The following PRKG1 variants were observed in gnomAD, a reference collection of about 807,000 sequenced individuals.
PRKG1 encodes cGMP-dependent protein kinase 1.
PRKG1 carries 35 observed loss-of-function variants against 88.1 expected under a neutral mutation model. The ratio of observed to expected loss-of-function variants is 0.40; its 90% CI spans 0.30 to 0.53. The LOEUF is 0.53. Ranked by LOEUF, PRKG1 falls within the 20% of genes least tolerant of loss-of-function variation. The pLI is 0.59. For synonymous variants in PRKG1, 303 were observed against 292.5 expected (o/e 1.04, Z -0.37); for missense variants, 540 against 839.8 (o/e 0.64, Z 4.41).
intron 1 of PRKG1, among the ~76,000 whole-genome samples, chr10:51,049,085 G>T (rs1175678864): frequency 6.6e-6 from 1 of 152,108 alleles, no homozygotes. Context: ...ACAGGGCCGG[G>T]AAAGGAAGAG....
At position 52,232,345 on chromosome 10, in the gene PRKG1, G is replaced by A. The variant is rs1110341; in HGVS notation, c.1077-19225G>A. ...AAACAAAAAACAAAAAAAAAAGAATGTTGTTTCTAAAACAATTCTCAATAT... is the reference window on the plus strand; with the variant it reads ...AAACAAAAAACAAAAAAAAAAGAATATTGTTTCTAAAACAATTCTCAATAT... On this transcript the variant is annotated intron_variant, in intron 9 of 17. Coordinates refer to ENST00000373980, the MANE Select transcript of PRKG1 (RefSeq NM_006258.4). Among the ~76,000 whole-genome samples the A allele has an allele frequency of 0.035, 5,328 of 151,970 alleles. 502 individuals carry two copies. The East Asian group carries it at 0.36, about 10-fold the overall frequency.
intron 2 of PRKG1, among the ~76,000 whole-genome samples, chr10:51,349,462 G>GTT (rs1842189056): frequency 2.3e-5 from 2 of 85,712 alleles, no homozygotes; most frequent in African/African-American, 4.2e-5. Flanking sequence ...GTTTGTGTGT[G>GTT]TGTGTGTGTG....
intron 4 of PRKG1, among the ~76,000 whole-genome samples, chr10:51,881,538 C>G (rs1404776831): frequency 6.6e-6 from 1 of 152,182 alleles, no homozygotes; most frequent in East Asian, 1.9e-4. Context: ...TGAATGGATT[C>G]AAAAATGATT....
intron 4 of PRKG1, among the ~76,000 whole-genome samples, chr10:51,826,165 G>GTA (rs1394064046): frequency 1.3e-5 from 2 of 152,028 alleles, no homozygotes; most frequent in African/African-American, 4.8e-5. Flanking sequence ...TTAGACTGTG[G>GTA]TAGTACATTT....
intron 3 of PRKG1, among the ~76,000 whole-genome samples, chr10:51,790,249 C>G (rs1202065105): frequency 6.6e-6 from 1 of 152,090 alleles, no homozygotes; most frequent in Non-Finnish European, 1.5e-5. Context: ...AACTTTTGTT[C>G]TTTCTTTTTT....
chr10:51,860,179 T>A (rs1258848041), intron 4 of PRKG1, among the ~76,000 whole-genome samples: 4 of 152,174 alleles, frequency 2.6e-5, no homozygotes, highest in Non-Finnish European at 5.9e-5. Flanking sequence ...CTCTTAATCA[T>A]GAGACTTTTA....
intron 1 of PRKG1, among the ~76,000 whole-genome samples, chr10:51,138,349 G>A (rs1845735846): frequency 6.6e-6 from 1 of 152,072 alleles, no homozygotes; most frequent in African/African-American, 2.4e-5. Context: ...CTAAACTTAG[G>A]AAATAAATGG....
chr10:51,602,725 A>AATAT (rs140820105), intron 3 of PRKG1, among the ~76,000 whole-genome samples: 889 of 59,888 alleles, frequency 0.015, 19 homozygotes, highest in Middle Eastern at 0.019. Flanking sequence ...GGCTTTGATT[A>AATAT]ATATATATGT....
chr10:51,924,107 G>A (rs1367945805), intron 5 of PRKG1, among the ~76,000 whole-genome samples: 1 of 152,096 alleles, frequency 6.6e-6, no homozygotes, highest in Non-Finnish European at 1.5e-5. Flanking sequence ...TCAAAGGCAT[G>A]AGCCACCACA....
intron 3 of PRKG1, among the ~76,000 whole-genome samples, chr10:51,577,689 T>C (rs1043862449): frequency 2.0e-5 from 3 of 152,094 alleles, no homozygotes; most frequent in Non-Finnish European, 4.4e-5. Context: ...CACCATCCTA[T>C]AAACAAAAGC....
At chr10:51,644,610 T>C (rs1316520363) in intron 3 of PRKG1, among the ~76,000 whole-genome samples, 2 of 152,186 alleles carry the variant, frequency 1.3e-5, no homozygotes, top group Non-Finnish European at 2.9e-5. Context: ...TATTATCAGA[T>C]ATGATAAGAT....
chr10:51,933,268 A>T (rs1406458061), intron 5 of PRKG1, among the ~76,000 whole-genome samples: 2 of 152,234 alleles, frequency 1.3e-5, no homozygotes, highest in Non-Finnish European at 2.9e-5. Flanking sequence ...TAAGCCAAAA[A>T]ATCCAGATTT....
At chr10:52,286,516 A>G (rs1460074540) in intron 14 of PRKG1, among the ~76,000 whole-genome samples, 2 of 152,086 alleles carry the variant, frequency 1.3e-5, no homozygotes, top group Non-Finnish European at 2.9e-5. Context: ...TAGAACTTAG[A>G]TCAAATAATT....
chr10:51,831,497 A>T lies in PRKG1; in HGVS notation c.698+26807A>T, dbSNP rs936362688. Among the ~76,000 whole-genome samples the T allele has an allele frequency of 4.1e-4, 63 of 152,206 alleles. 1 individual carries two copies. The highest frequency in any genetic ancestry group is 7.6e-4 in the Non-Finnish European group (52 of 68,038). On this transcript the variant is annotated intron_variant, in intron 4 of 17. Coordinates refer to ENST00000373980, the MANE Select transcript of PRKG1 (RefSeq NM_006258.4). ...ATGTAAGAGGAAAACAATAAAACAGAACAAAACAAAAGCAAGAAAGAATAA... is the reference window on the plus strand; with the variant it reads ...ATGTAAGAGGAAAACAATAAAACAGTACAAAACAAAAGCAAGAAAGAATAA...
Position 51,098,979 on chromosome 10 carries a change from C to G in PRKG1, c.311+24078C>G, listed in dbSNP as rs79558927. Among the ~76,000 whole-genome samples, 993 of 152,322 alleles carry G rather than the reference C, an allele frequency of 6.5e-3. 29 individuals carry two copies. In the East Asian group the frequency reaches 0.076, roughly 12 times the overall value. On this transcript the variant is annotated intron_variant, in intron 1 of 17. Coordinates refer to ENST00000373980, the MANE Select transcript of PRKG1 (RefSeq NM_006258.4). ...CACATATGAGAGCACAAAAGCCTAGCTCCCTTGCCTCAGAGAGTTGTAATT... is the reference window on the plus strand; with the variant it reads ...CACATATGAGAGCACAAAAGCCTAGGTCCCTTGCCTCAGAGAGTTGTAATT...
intron 3 of PRKG1, among the ~76,000 whole-genome samples, chr10:51,554,679 A>C (rs1342585049): frequency 8.4e-6 from 1 of 119,734 alleles, no homozygotes; most frequent in Admixed American, 8.8e-5. Flanking sequence ...CTATTAGACT[A>C]TGTGCATTTT....
intron 2 of PRKG1, chr10:51,245,693 A>C (rs1390854484): frequency 6.6e-6 from 1 of 152,094 alleles, no homozygotes; most frequent in Non-Finnish European, 1.5e-5. Flanking sequence ...ATTTGACCTA[A>C]AAGTGTAACA....
chr10:52,194,521 G>T (rs2132761374), intron 9 of PRKG1, among the ~76,000 whole-genome samples: 1 of 152,254 alleles, frequency 6.6e-6, no homozygotes, highest in South Asian at 2.1e-4. Context: ...TTTAAGTAGT[G>T]AAGAGAAAAT....
At chr10:51,298,765 A>G (rs1453089454) in intron 2 of PRKG1, among the ~76,000 whole-genome samples, 3 of 152,184 alleles carry the variant, frequency 2.0e-5, no homozygotes, top group Non-Finnish European at 4.4e-5. Context: ...CTGAGAGTAA[A>G]ATAAATCTAC....
Sources: gnomAD v4.1 joint callset for allele counts (sites outside exome capture counted in the v4.1 genomes callset) on GRCh38, gnomAD v4.1.1 for gene constraint, MANE v1.5 for transcripts, NCBI Gene and HGNC (gene_info 2026-07-23, HGNC 2026-07-21) for gene names.